Variants in NUGGC observed in about 807,000 individuals in gnomAD.
NUGGC encodes nuclear GTPase SLIP-GC.
NUGGC carries 58 observed loss-of-function variants against 92.6 expected under a neutral mutation model. The observed-to-expected ratio is 0.63, with a 90% CI of 0.51 to 0.78. The LOEUF (loss-of-function observed/expected upper bound fraction) is 0.78, where lower values mean the gene tolerates loss of function less well. Ranked by LOEUF, NUGGC falls within the 30% of genes least tolerant of loss-of-function variation. The pLI is 0.00. For synonymous variants in NUGGC, 376 were observed against 366.4 expected (o/e 1.03, Z -0.30); for missense variants, 925 against 964.6 (o/e 0.96, Z 0.54).
chr8:28,064,466 G>C (rs1810386054), intron 7 of NUGGC, 56 bp downstream of exon 7: 1 of 1,411,308 alleles, frequency 7.1e-7, no homozygotes, highest in Non-Finnish European at 1.0e-6. Flanking sequence ...TTTGTTGCTT[G>C]AGAAAGGGTA....
chr8:28,036,394 A>C (rs1809555025), intron 13 of NUGGC, among the ~76,000 whole-genome samples: 1 of 149,228 alleles, frequency 6.7e-6, no homozygotes. Flanking sequence ...CCTTCTCTCC[A>C]CTCCTCCTCA....
chr8:28,071,182 A>G (rs1428046235), intron 2 of NUGGC, among the ~76,000 whole-genome samples: 1 of 152,190 alleles, frequency 6.6e-6, no homozygotes, highest in Non-Finnish European at 1.5e-5. Flanking sequence ...GCAACTCCTC[A>G]GAAGCCAAAG....
At position 28,047,507 on chromosome 8, in the gene NUGGC, C is replaced by G. The variant is rs1330415660; in HGVS notation, c.1312G>C (p.Glu438Gln). The change falls in exon 11 of 19, where the codon GAA (glutamate) becomes CAA (glutamine). Residue 438 changes from glutamate (E) to glutamine (Q), a missense_variant and splice_region_variant. Glu to Gln is a conservative substitution (Grantham distance 29). Coordinates refer to ENST00000413272, the MANE Select transcript of NUGGC (RefSeq NM_001010906.2). ...TGGAGATTTAAAAAACATAAATTAC[C>G]CGTTTCCTCCTCGGTGAGGAGAGCC... ...QQALLTEEETEIPKLREYIRK... is the reference protein window; with the variant it reads ...QQALLTEEETQIPKLREYIRK... 1 of 1,526,478 alleles carries G rather than the reference C, an allele frequency of 6.6e-7. No homozygotes were observed. The highest frequency in any genetic ancestry group is 8.9e-7 in the Non-Finnish European group (1 of 1,124,192). 94.6% of individuals were successfully genotyped at this position (1,526,478 alleles called of 1,614,324 possible).
intron 12 of NUGGC, among the ~76,000 whole-genome samples, chr8:28,041,659 C>T (rs948734965): frequency 6.6e-6 from 1 of 152,138 alleles, no homozygotes; most frequent in African/African-American, 2.4e-5. Flanking sequence ...TACAAATCAA[C>T]AGGAGATCTT....
At chr8:28,051,944 A>C (rs1810016363) in intron 10 of NUGGC, among the ~76,000 whole-genome samples, 1 of 152,048 alleles carries the variant, frequency 6.6e-6, no homozygotes, top group Admixed American at 6.6e-5. Flanking sequence ...CAAAAACAAA[A>C]ACAAACAAAA....
At chr8:28,040,654 GTT>G (rs1283170099) in intron 13 of NUGGC, among the ~76,000 whole-genome samples, 1 of 143,814 alleles carries the variant, frequency 7.0e-6, no homozygotes, top group Non-Finnish European at 1.5e-5. Context: ...TTTTGTTCTT[GTT>G]TTTTTTTTTG....
At chr8:28,040,992 G>C (rs1282788955) in intron 13 of NUGGC, 59 bp downstream of exon 13, 1 of 1,482,818 alleles carries the variant, frequency 6.7e-7, no homozygotes, top group African/African-American at 1.4e-5. Flanking sequence ...TGCAAAAGAA[G>C]CTTGGGGATC....
chr8:28,066,442 A>C (rs911386266), intron 6 of NUGGC, among the ~76,000 whole-genome samples: 2 of 152,224 alleles, frequency 1.3e-5, no homozygotes, highest in Non-Finnish European at 2.9e-5. Flanking sequence ...AAAAAGCCTA[A>C]GGAAATGTGA....
chr8:28,034,794 G>C (rs1260143967), intron 13 of NUGGC, among the ~76,000 whole-genome samples: 4 of 152,002 alleles, frequency 2.6e-5, no homozygotes, highest in Admixed American at 2.6e-4. Context: ...TCCAGCCTGG[G>C]CAACAAGAGC....
In NUGGC at chr8:28,027,061, C is replaced by A. The variant is rs749032552; in HGVS notation, c.2155-9G>T. On this transcript the variant is annotated splice_polypyrimidine_tract_variant and intron_variant, in intron 17 of 18. Transcript: ENST00000413272. ...TTCTCCACGATTCCAGTCTATGCAACAAGGACATTCAGTCTGTTAGGATGG... is the reference window on the plus strand; with the variant it reads ...TTCTCCACGATTCCAGTCTATGCAAAAAGGACATTCAGTCTGTTAGGATGG... 4.4e-6 allele frequency: 7 copies of A among 1,600,394 alleles called. No individual in the cohort carries two copies. The African/African-American group carries it at 9.4e-5, about 21-fold the overall frequency.
At chr8:28,025,991 T>C (rs1248851674) in intron 18 of NUGGC, among the ~76,000 whole-genome samples, 1 of 152,140 alleles carries the variant, frequency 6.6e-6, no homozygotes, top group Non-Finnish European at 1.5e-5. Flanking sequence ...AACATATACA[T>C]ATGTATTTCC....
chr8:28,025,832 T>C (rs918319661), intron 18 of NUGGC, among the ~76,000 whole-genome samples: 24 of 152,176 alleles, frequency 1.6e-4, no homozygotes, highest in African/African-American at 5.3e-4. Context: ...ACTATGGATG[T>C]GGTATAAAAT....
At chr8:28,044,895 C>A (rs1809791490) in intron 12 of NUGGC, among the ~76,000 whole-genome samples, 1 of 152,144 alleles carries the variant, frequency 6.6e-6, no homozygotes, top group South Asian at 2.1e-4. Flanking sequence ...CCAAAACCCC[C>A]CAAGTCTCTA....
intron 11 of NUGGC, among the ~76,000 whole-genome samples, chr8:28,046,972 TTTG>T (rs1809853791): frequency 6.6e-6 from 1 of 150,858 alleles, no homozygotes; most frequent in African/African-American, 2.4e-5. Flanking sequence ...CCTGGCTTTT[TTTG>T]TTGTTGTGTT....
At chr8:28,060,254 C>T (rs745562259) in intron 8 of NUGGC, 172 bp downstream of exon 8, 15 of 737,630 alleles carry the variant, frequency 2.0e-5, no homozygotes, top group Admixed American at 1.0e-4. Context: ...GACAACCCAA[C>T]CAAGGGTCCT....
intron 18 of NUGGC, among the ~76,000 whole-genome samples, chr8:28,026,014 T>G (rs1339204968): frequency 1.3e-5 from 2 of 152,184 alleles, no homozygotes; most frequent in Admixed American, 1.3e-4. Context: ...TTTTCCCCTC[T>G]CACAAATGGC....
At position 28,074,427 on chromosome 8, in the gene NUGGC, T is replaced by C. The variant is rs755093598; in HGVS notation, c.-17A>G. ...TTCTGCCATTCCTTGTTACGTGAAC[T>C]CCTGCTCTTCTCAGTTCAGGAGAAC... On this transcript the variant is annotated 5_prime_UTR_variant, in exon 2 of 19. Transcript: ENST00000413272. 1 of 1,613,508 alleles carries C rather than the reference T, an allele frequency of 6.2e-7. No individual in the cohort carries two copies. The highest frequency in any genetic ancestry group is 1.1e-5 in the South Asian group (1 of 90,956).
Position 28,042,787 on chromosome 8 carries a change from C to T in NUGGC, c.1447-1572G>A, listed in dbSNP as rs546686130. Among the ~76,000 whole-genome samples the T allele has an allele frequency of 2.6e-5, 4 of 152,274 alleles. 1 individual carries two copies. The South Asian group carries it at 8.3e-4, about 32-fold the overall frequency. On this transcript the variant is annotated intron_variant, in intron 12 of 18. Coordinates refer to ENST00000413272, the MANE Select transcript of NUGGC (RefSeq NM_001010906.2). ...TTGAACGAGTGGCCCAGAGAAACTG[C>T]GAGATAATTTGGGCTTTTAAATTCT...
At chr8:28,045,735 A>T in intron 11 of NUGGC, 75 bp from the exon 12 acceptor site, 1 of 1,500,834 alleles carries the variant, frequency 6.7e-7, no homozygotes, top group South Asian at 1.2e-5. Context: ...AAAAGTTGAA[A>T]GACCAAGGTG....
Sources: gnomAD v4.1 joint callset for allele counts (sites outside exome capture counted in the v4.1 genomes callset) on GRCh38, gnomAD v4.1.1 for gene constraint, MANE v1.5 for transcripts, NCBI Gene and HGNC (gene_info 2026-07-23, HGNC 2026-07-21) for gene names.